SGCD: variants seen among roughly 807,000 people sequenced by gnomAD.
SGCD encodes the protein sarcoglycan delta.
In SGCD, 18 loss-of-function variants were observed where a neutral mutation model predicts 36.6. The observed-to-expected ratio is 0.49, with a 90% CI of 0.34 to 0.73. SGCD has a LOEUF of 0.73. SGCD is among the 30% of genes least tolerant of loss of function. The pLI is 0.01. For synonymous variants in SGCD, 133 were observed against 130.6 expected (o/e 1.02, Z -0.12); for missense variants, 387 against 346.7 (o/e 1.12, Z -0.92).
chr5:155,957,946 G>A (rs1358123217), intron 1 of SGCD, among the ~76,000 whole-genome samples: 2 of 152,114 alleles, frequency 1.3e-5, no homozygotes, highest in Non-Finnish European at 2.9e-5. Context: ...GTTGTAGGTA[G>A]GTAGTCCTGG....
At chr5:156,065,317 C>G (rs1167422294) in intron 1 of SGCD, among the ~76,000 whole-genome samples, 11 of 81,396 alleles carry the variant, frequency 1.4e-4, no homozygotes, top group African/African-American at 5.4e-4. Flanking sequence ...GTTATAATTT[C>G]TGTTCTTTTA....
chr5:156,591,188 T>G (rs944187368), intron 5 of SGCD, among the ~76,000 whole-genome samples: 1 of 152,182 alleles, frequency 6.6e-6, no homozygotes, highest in Non-Finnish European at 1.5e-5. Context: ...CCTGTTGTGC[T>G]GGGTGCTGTA....
chr5:156,721,014 T>C (rs550479783), intron 7 of SGCD, among the ~76,000 whole-genome samples: 1 of 152,276 alleles, frequency 6.6e-6, no homozygotes, highest in Admixed American at 6.5e-5. Flanking sequence ...GGCATGTTAG[T>C]GTGTGGATGT....
intron 4 of SGCD, among the ~76,000 whole-genome samples, chr5:156,513,334 A>G (rs1252799908): frequency 6.6e-6 from 1 of 152,084 alleles, no homozygotes; most frequent in Non-Finnish European, 1.5e-5. Context: ...ATGCTCATGA[A>G]CCTCACATGT....
chr5:156,531,127 G>A (rs966887067), intron 4 of SGCD, among the ~76,000 whole-genome samples: 4 of 152,118 alleles, frequency 2.6e-5, no homozygotes, highest in African/African-American at 7.2e-5. Flanking sequence ...CAGAGGTTTC[G>A]TGCAGTGTTT....
At chr5:155,864,006 A>C in the SGCD span, among the ~76,000 whole-genome samples, 4 of 152,150 alleles carry the variant, frequency 2.6e-5, no homozygotes, top group Non-Finnish European at 5.9e-5. Context: ...GAGAGGAGGA[A>C]TGGGAGTGGG....
At chr5:156,612,159 A>G (rs7734586) in intron 6 of SGCD, among the ~76,000 whole-genome samples, 3,047 of 152,142 alleles carry the variant, frequency 0.02, 73 homozygotes, top group African/African-American at 0.048. Context: ...TTGTACCCCT[A>G]TGTTGATATT....
chr5:156,093,790 C>A (rs539474734), intron 1 of SGCD, among the ~76,000 whole-genome samples: 7 of 152,290 alleles, frequency 4.6e-5, no homozygotes, highest in Admixed American at 3.9e-4. Context: ...GCTCAAACAT[C>A]TGCTTAAGTG....
intron 3 of SGCD, among the ~76,000 whole-genome samples, chr5:156,484,861 C>T (rs1350158644): frequency 6.6e-6 from 1 of 152,126 alleles, no homozygotes; most frequent in Non-Finnish European, 1.5e-5. Context: ...TTCCAGGGGT[C>T]ATCTTGGTTA....
intron 3 of SGCD, among the ~76,000 whole-genome samples, chr5:156,149,393 T>C (rs967465438): frequency 6.6e-6 from 1 of 152,256 alleles, no homozygotes; most frequent in Non-Finnish European, 1.5e-5. Flanking sequence ...TTCAGTATTA[T>C]ACTCTGATAA....
intron 3 of SGCD, among the ~76,000 whole-genome samples, chr5:156,175,266 T>A (rs1174813669): frequency 6.6e-6 from 1 of 152,196 alleles, no homozygotes; most frequent in Admixed American, 6.5e-5. Context: ...ACATAAGTAC[T>A]TGTTCAAGGG....
the SGCD span, among the ~76,000 whole-genome samples, chr5:155,778,100 A>G: frequency 6.6e-6 from 1 of 152,188 alleles, no homozygotes; most frequent in Non-Finnish European, 1.5e-5. Context: ...ATACTTAGAC[A>G]TGAAGGGGAT....
chr5:156,657,780 G>C (rs1399138690), intron 7 of SGCD, among the ~76,000 whole-genome samples: 3 of 149,070 alleles, frequency 2.0e-5, no homozygotes, highest in Non-Finnish European at 4.5e-5. Flanking sequence ...AAAAGAAAAA[G>C]ACACAGAGAC....
intron 6 of SGCD, among the ~76,000 whole-genome samples, chr5:156,639,545 C>G (rs1762952308): frequency 6.6e-6 from 1 of 152,158 alleles, no homozygotes; most frequent in Non-Finnish European, 1.5e-5. Flanking sequence ...TATCCAATAC[C>G]CAGCTACCTC....
the SGCD span, among the ~76,000 whole-genome samples, chr5:155,772,781 CCTTT>C: frequency 1.3e-5 from 2 of 151,460 alleles, no homozygotes; most frequent in Admixed American, 6.6e-5. Context: ...TTTTTATTTT[CCTTT>C]CTGTTTTCCC....
the SGCD span, among the ~76,000 whole-genome samples, chr5:155,844,492 G>T: frequency 0.88 from 133,125 of 151,390 alleles, 58,613 homozygotes; most frequent in East Asian, 0.99. Flanking sequence ...ACAAGAAAGT[G>T]GTGACTCAGG....
chr5:155,736,998 G>A, the SGCD span, among the ~76,000 whole-genome samples: 3 of 152,180 alleles, frequency 2.0e-5, no homozygotes, highest in East Asian at 1.9e-4. Flanking sequence ...AAACATTCAC[G>A]TCTCTAAGTG....
intron 7 of SGCD, among the ~76,000 whole-genome samples, chr5:156,668,742 G>C (rs1463690032): frequency 1.3e-5 from 2 of 152,186 alleles, no homozygotes; most frequent in Non-Finnish European, 2.9e-5. Flanking sequence ...CATCTCTTCT[G>C]TTATCTGGTG....
chr5:156,229,491 G>A (rs1467924615), intron 3 of SGCD, among the ~76,000 whole-genome samples: 1 of 151,300 alleles, frequency 6.6e-6, no homozygotes, highest in African/African-American at 2.4e-5. Flanking sequence ...TGAAGATAGA[G>A]CCCCAATCCC....
Sources: gnomAD v4.1 joint callset for allele counts (sites outside exome capture counted in the v4.1 genomes callset) on GRCh38, gnomAD v4.1.1 for gene constraint, MANE v1.5 for transcripts, NCBI Gene and HGNC (gene_info 2026-07-23, HGNC 2026-07-21) for gene names.